The following CDK3 variants were observed in gnomAD, a reference collection of about 807,000 sequenced individuals.
CDK3 encodes the protein cyclin-dependent kinase 3.
Under a neutral mutation model 30.2 loss-of-function variants are expected in CDK3, and 24 were observed. That is an observed-to-expected ratio of 0.79 (90% CI 0.57 to 1.12). The LOEUF is 1.12. Among genes scored for constraint, CDK3 ranks in the 50% most tolerant of loss-of-function variants. The pLI is 0.00. For synonymous variants in CDK3, 158 were observed against 154.2 expected (o/e 1.02, Z -0.18); for missense variants, 345 against 376.0 (o/e 0.92, Z 0.68).
chr17:76,002,227 A>G lies in CDK3; in HGVS notation c.316-21A>G. On this transcript the variant is annotated intron_variant, in intron 4 of 7. Transcript: ENST00000448471. The surrounding 1 kb of genome is among the most constrained non-coding windows in gnomAD (Gnocchi z 4.3). ...GCAGCACCTCCGCTCAGCTGGCTGC[A>G]CCTCGCGCTCGTTTCTCCAGAGCTA... The G allele has an allele frequency of 1.2e-6, 2 of 1,612,072 alleles. No individual in the cohort carries two copies.
rs991972618 is a variant in CDK3 at position 76,002,509 on chromosome 17, A to G, written c.487-2A>G. 6.9e-7 allele frequency: 1 copy of G among 1,450,328 alleles called. No individual in the cohort carries two copies. Among genetic ancestry groups the G allele is most frequent in the Non-Finnish European group, 9.7e-7 (1 of 1,030,428 alleles). 89.8% of individuals were successfully genotyped at this position (1,450,328 alleles called of 1,614,324 possible). On this transcript the variant is annotated splice_acceptor_variant, in intron 5 of 7. Transcript: ENST00000448471. LOFTEE classifies it high-confidence loss of function. This position sits in a 1 kb window ranked among gnomAD's most constrained non-coding sequence, Gnocchi z 4.3. ...GAGTGATACTGTTTCTTTGCCCTGC[A>G]GGTGGTGACACTGTGGTATCGCGCC...
chr17:76,002,456 G>C lies in CDK3; in HGVS notation c.486+38G>C. 6.2e-7 allele frequency: 1 copy of C among 1,610,050 alleles called. No homozygotes were observed. Among genetic ancestry groups the C allele is most frequent in the African/African-American group, 1.3e-5 (1 of 74,990 alleles). On this transcript the variant is annotated intron_variant, in intron 5 of 7. Coordinates refer to ENST00000448471, the MANE Select transcript of CDK3 (RefSeq NM_001258.4). The surrounding 1 kb of genome is among the most constrained non-coding windows in gnomAD (Gnocchi z 4.3). ...AAAGAGGAGAGAGGGGCAGCAGGAG[G>C]AGTGTCACCCATGCACTCAGCCACC...
chr17:76,003,532 G>A, intron 7 of CDK3, 134 bp downstream of exon 7: 1 of 666,936 alleles, frequency 1.5e-6, no homozygotes. Flanking sequence ...ACTGGCTTGG[G>A]TATACTGATT....
chr17:76,002,252 A>G lies in CDK3; in HGVS notation c.320A>G (p.Tyr107Cys), dbSNP rs779004517. The G allele has an allele frequency of 1.1e-5, 17 of 1,611,542 alleles. No individual in the cohort carries two copies. Among genetic ancestry groups the G allele is most frequent in the Non-Finnish European group, 1.4e-5 (17 of 1,179,796 alleles). Residue 107 changes from tyrosine (Y) to cysteine (C), a missense_variant, in exon 5 of 8, where the codon TAC becomes TGC. By Grantham distance (194) the Tyr-to-Cys change is radical. Coordinates refer to ENST00000448471, the MANE Select transcript of CDK3 (RefSeq NM_001258.4). This position sits in a 1 kb window ranked among gnomAD's most constrained non-coding sequence, Gnocchi z 4.3. ...SELPLHLIKS[Y>C]LFQLLQGVSF... ...ACCTCGCGCTCGTTTCTCCAGAGCT[A>G]CCTCTTCCAGCTGCTGCAGGGGGTG...
rs781181073 is a variant in CDK3 at position 76,002,168 on chromosome 17, G to C, written c.315+26G>C. The C allele has an allele frequency of 2.5e-6, 4 of 1,613,442 alleles. No homozygotes were observed. In the African/African-American group the frequency reaches 5.3e-5, roughly 22 times the overall value. ...GTAGGGAAGGAAGGGCAGGGAAGGA[G>C]AGGTGACACCCCATCCCTGCCATCC... On this transcript the variant is annotated intron_variant, in intron 4 of 7. Transcript: ENST00000448471. The surrounding 1 kb of genome is among the most constrained non-coding windows in gnomAD (Gnocchi z 4.3).
rs531317436 is a variant in CDK3 at position 76,002,696 on chromosome 17, C to G, written c.588+84C>G. On this transcript the variant is annotated intron_variant, in intron 6 of 7. Coordinates refer to ENST00000448471, the MANE Select transcript of CDK3 (RefSeq NM_001258.4). This position sits in a 1 kb window ranked among gnomAD's most constrained non-coding sequence, Gnocchi z 4.3. ...GGTGGGGTCCACTGATGCTCCCATT[C>G]GAGGCGGATTAAAGAGTGTTTGGGG... 1.3e-6 allele frequency: 1 copy of G among 747,044 alleles called. No individual in the cohort carries two copies. The highest frequency in any genetic ancestry group is 2.5e-6 in the Non-Finnish European group (1 of 403,632). The allele number at this position is 747,044 out of a possible 1,614,324, so 46.3% of individuals were successfully genotyped here.
chr17:76,004,185 C>G (rs1016953553), intron 7 of CDK3, among the ~76,000 whole-genome samples: 1 of 149,694 alleles, frequency 6.7e-6, no homozygotes, highest in African/African-American at 2.5e-5. Context: ...TGACCCAGGC[C>G]GGACTGCCCA....
Position 76,002,194 on chromosome 17 carries a change from C to T in CDK3, c.315+52C>T. The T allele has an allele frequency of 6.2e-7, 1 of 1,612,796 alleles. No individual in the cohort carries two copies. Among genetic ancestry groups the T allele is most frequent in the Non-Finnish European group, 8.5e-7 (1 of 1,179,268 alleles). ...AGGTGACACCCCATCCCTGCCATCC[C>T]TGTCCACGCAGCACCTCCGCTCAGC... is the stretch of plus-strand genomic sequence containing the variant. On this transcript the variant is annotated intron_variant, in intron 4 of 7. Coordinates refer to ENST00000448471, the MANE Select transcript of CDK3 (RefSeq NM_001258.4). This position sits in a 1 kb window ranked among gnomAD's most constrained non-coding sequence, Gnocchi z 4.3.
Position 76,003,411 on chromosome 17 carries a change from G to A in CDK3, c.792+13G>A. 1.9e-6 allele frequency: 3 copies of A among 1,606,946 alleles called. No individual in the cohort carries two copies. Among genetic ancestry groups the A allele is most frequent in the Non-Finnish European group, 1.7e-6 (2 of 1,175,234 alleles). On this transcript the variant is annotated intron_variant, in intron 7 of 7. Transcript: ENST00000448471. ...GGACCTGCTCATGGTAGGTGCATGT[G>A]GGCTCCAGCTGCTGCTCCGACTACA...
At position 76,002,127 on chromosome 17, in the gene CDK3, C is replaced by T. The variant is rs757867913; in HGVS notation, c.300C>T (p.Pro100=). ...YMDSTPGSEL[P]LHLIKSYLFQ... ...ACTCCACCCCAGGCTCAGAGCTCCC[C>T]CTGCACCTCATCAAGGTAGGGAAGG... is the stretch of plus-strand genomic sequence containing the variant. Residue 100 remains proline (P), a synonymous_variant, in exon 4 of 8, where the codon CCC becomes CCT. Coordinates refer to ENST00000448471, the MANE Select transcript of CDK3 (RefSeq NM_001258.4). The surrounding 1 kb of genome is among the most constrained non-coding windows in gnomAD (Gnocchi z 4.3). 1.9e-6 allele frequency: 3 copies of T among 1,614,016 alleles called. No individual in the cohort carries two copies. Among genetic ancestry groups the T allele is most frequent in the Non-Finnish European group, 2.5e-6 (3 of 1,179,990 alleles).
Position 76,002,533 on chromosome 17 carries a change from C to T in CDK3, c.509C>T (p.Ala170Val), listed in dbSNP as rs1460205083. Residue 170 changes from alanine (A) to valine (V), a missense_variant, in exon 6 of 8, where the codon GCC becomes GTC. Physicochemically the swap from Ala to Val is moderately conservative, Grantham distance 64 (BLOSUM62 0). Coordinates refer to ENST00000448471, the MANE Select transcript of CDK3 (RefSeq NM_001258.4). The surrounding 1 kb of genome is among the most constrained non-coding windows in gnomAD (Gnocchi z 4.3). ...THEVVTLWYR[A>V]PEILLGSKFY... is the part of the protein sequence containing the mutation. ...CAGGTGGTGACACTGTGGTATCGCG[C>T]CCCCGAGATTCTCTTGGGCAGCAAG... 4 of 1,192,712 alleles carry T rather than the reference C, an allele frequency of 3.4e-6. No homozygotes were observed. The South Asian group carries it at 3.6e-5, about 11-fold the overall frequency. The allele number at this position is 1,192,712 out of a possible 1,614,324, so 73.9% of individuals were successfully genotyped here. A position where few individuals can be genotyped will look rare whatever the true frequency, so the allele number is the denominator to read the frequency against.
chr17:76,002,235 C>T lies in CDK3; in HGVS notation c.316-13C>T, dbSNP rs752595166. 3.7e-6 allele frequency: 6 copies of T among 1,612,242 alleles called. No homozygotes were observed. In the South Asian group the frequency reaches 6.6e-5, roughly 18 times the overall value. Reference sequence around the variant, plus strand: ...TCCGCTCAGCTGGCTGCACCTCGCGCTCGTTTCTCCAGAGCTACCTCTTCC... The same window carrying T: ...TCCGCTCAGCTGGCTGCACCTCGCGTTCGTTTCTCCAGAGCTACCTCTTCC... On this transcript the variant is annotated splice_polypyrimidine_tract_variant and intron_variant, in intron 4 of 7. Transcript: ENST00000448471. This position sits in a 1 kb window ranked among gnomAD's most constrained non-coding sequence, Gnocchi z 4.3.
chr17:76,001,887 GT>G lies in CDK3; in HGVS notation c.131del (p.Val44AlafsTer15), dbSNP rs749185546. The G allele has an allele frequency of 6.2e-6, 10 of 1,613,348 alleles. No individual in the cohort carries two copies. Among genetic ancestry groups the G allele is most frequent in the Non-Finnish European group, 8.5e-6 (10 of 1,179,428 alleles). ...TGTTTCTTGCAGGGAGATGGAGGGG[GT>G]CCCAAGCACTGCCATCAGGGAGATC... ...KIRLDLEMEG[V>X]PSTAIREISL... On this transcript the variant is annotated frameshift_variant, in exon 3 of 8. Coordinates refer to ENST00000448471, the MANE Select transcript of CDK3 (RefSeq NM_001258.4). LOFTEE classifies it high-confidence loss of function. The surrounding 1 kb of genome is among the most constrained non-coding windows in gnomAD (Gnocchi z 6.2).
rs1366307273 is a variant in CDK3 at position 76,005,048 on chromosome 17, G to C, written c.793-250G>C. 1.3e-5 allele frequency among the ~76,000 whole-genome samples: 2 copies of C among 152,198 alleles called. No individual in the cohort carries two copies. The highest frequency in any genetic ancestry group is 2.9e-5 in the Non-Finnish European group (2 of 68,038). Reference sequence around the variant, plus strand: ...CCAACTAGAAGCAGGCTGGGACCTGGGACCCTCCCCGAGAAGGGGGGTGAC... The same window carrying C: ...CCAACTAGAAGCAGGCTGGGACCTGCGACCCTCCCCGAGAAGGGGGGTGAC... On this transcript the variant is annotated intron_variant, in intron 7 of 7. Transcript: ENST00000448471. The surrounding 1 kb of genome is among the most constrained non-coding windows in gnomAD (Gnocchi z 4.7).
chr17:76,004,598 T>C (rs1332849404), intron 7 of CDK3: 1 of 152,378 alleles, frequency 6.6e-6, no homozygotes, highest in East Asian at 1.9e-4. Flanking sequence ...GCGATCCTCC[T>C]ACCTTGGCCT....
In CDK3 at chr17:76,005,458, C is replaced by A. The variant is rs372693716; in HGVS notation, c.*35C>A. The A allele has an allele frequency of 1.9e-6, 3 of 1,594,600 alleles. No homozygotes were observed. Among genetic ancestry groups the A allele is most frequent in the Admixed American group, 3.4e-5 (2 of 59,058 alleles). The stretch of plus-strand genomic sequence containing the variant: ...GGCCACACTCAGATCCTTTCTCGAG[C>A]AGCTGCTGCCCCAGCTGCCTCCTAC... On this transcript the variant is annotated 3_prime_UTR_variant, in exon 8 of 8. Transcript: ENST00000448471. This position sits in a 1 kb window ranked among gnomAD's most constrained non-coding sequence, Gnocchi z 4.7.
At chr17:76,004,053 C>T (rs532796669) in intron 7 of CDK3, among the ~76,000 whole-genome samples, 32 of 151,990 alleles carry the variant, frequency 2.1e-4, no homozygotes, top group East Asian at 7.8e-4. Context: ...TGGGGCCTCT[C>T]GTTCTACTGC....
At position 76,002,201 on chromosome 17, in the gene CDK3, CGCAGCACCTCCGCTCAGCTG is replaced by C; in HGVS notation, c.316-44_316-25del. ...ACCCCATCCCTGCCATCCCTGTCCA[CGCAGCACCTCCGCTCAGCTG>C]GCTGCACCTCGCGCTCGTTTCTCCA... On this transcript the variant is annotated intron_variant, in intron 4 of 7. Coordinates refer to ENST00000448471, the MANE Select transcript of CDK3 (RefSeq NM_001258.4). The surrounding 1 kb of genome is among the most constrained non-coding windows in gnomAD (Gnocchi z 4.3). The C allele has an allele frequency of 6.2e-7, 1 of 1,612,500 alleles. No individual in the cohort carries two copies. Among genetic ancestry groups the C allele is most frequent in the Non-Finnish European group, 8.5e-7 (1 of 1,179,184 alleles).
rs1311908750 is a variant in CDK3, at chr17:76,005,874, G to C, written c.*451G>C. Reference sequence around the variant, plus strand: ...GAGGGAGTGAGGGAGAGGAGAGAGGGCGTTCCCCGGATCCCAGGAGAGCTG... The same window carrying C: ...GAGGGAGTGAGGGAGAGGAGAGAGGCCGTTCCCCGGATCCCAGGAGAGCTG... On this transcript the variant is annotated 3_prime_UTR_variant, in exon 8 of 8. Coordinates refer to ENST00000448471, the MANE Select transcript of CDK3 (RefSeq NM_001258.4). This position sits in a 1 kb window ranked among gnomAD's most constrained non-coding sequence, Gnocchi z 4.7. The C allele has an allele frequency of 2.5e-5, 4 of 158,522 alleles. No individual in the cohort carries two copies. The highest frequency in any genetic ancestry group is 9.6e-5 in the African/African-American group (4 of 41,598). The allele number at this position is 158,522 out of a possible 1,614,324, so 9.8% of individuals were successfully genotyped here. A position where few individuals can be genotyped will look rare whatever the true frequency, so the allele number is the denominator to read the frequency against.
Sources: allele counts gnomAD v4.1 joint callset (sites outside exome capture counted in the v4.1 genomes callset), GRCh38; gene constraint gnomAD v4.1.1; non-coding constraint Gnocchi (gnomAD v3.1); transcripts MANE v1.5; gene names NCBI Gene and HGNC (gene_info 2026-07-23, HGNC 2026-07-21).